The following TENM1 variants were observed in gnomAD, a reference collection of about 807,000 sequenced individuals.
TENM1 encodes the protein teneurin transmembrane protein 1.
TENM1 carries 35 observed loss-of-function variants against 174.8 expected under a neutral mutation model. That is an observed-to-expected ratio of 0.20 (90% CI 0.15 to 0.27). The LOEUF is 0.27. Ranked by LOEUF, TENM1 falls within the 10% of genes least tolerant of loss-of-function variation. The pLI, the probability that TENM1 is intolerant of heterozygous loss-of-function variation, is 1.00. For missense variants in TENM1, 1,633 were observed against 2,130.1 expected (o/e 0.77, Z 4.59); for synonymous variants, 781 against 798.7 (o/e 0.98, Z 0.37).
the TENM1 span, among the ~76,000 whole-genome samples, chrX:125,059,211 T>C: frequency 9.0e-6 from 1 of 111,340 alleles, no homozygotes; most frequent in Non-Finnish European, 1.9e-5. Flanking sequence ...CCCCATTCTC[T>C]TACTGTACAG....
chrX:124,959,488 G>T (rs1006981024), intron 1 of TENM1, among the ~76,000 whole-genome samples: 1 of 110,848 alleles, frequency 9.0e-6, no homozygotes, highest in Non-Finnish European at 1.9e-5. Context: ...CCTTTTTCTA[G>T]TCTCAACCTT....
the TENM1 span, among the ~76,000 whole-genome samples, chrX:125,068,884 C>G: frequency 2.9e-4 from 33 of 112,139 alleles, no homozygotes; most frequent in African/African-American, 1.0e-3. Context: ...CGGACAGGTC[C>G]AGGATAGCTG....
intron 3 of TENM1, among the ~76,000 whole-genome samples, chrX:124,807,357 T>C (rs750700269): frequency 4.6e-4 from 52 of 112,003 alleles, no homozygotes; most frequent in Middle Eastern, 4.2e-3. Context: ...AGCTGTCCTT[T>C]AGTAATGAAT....
rs988616540 is a variant in TENM1 at position 124,381,148 on chromosome X, A to C, written c.7587T>G (p.Phe2529Leu). The change falls in exon 32 of 32, where the codon TTT becomes TTG. Residue 2529 changes from phenylalanine (F) to leucine (L), a missense_variant. Around this residue, in one of 4 missense-constraint regions of TENM1, gnomAD observed 807 missense variants for 1,125.3 expected, o/e 0.72. Transcript: ENST00000422452. The stretch of plus-strand genomic sequence containing the variant: ...TGATGGCAAATTTTATACCTTTCCC[A>C]AAAACAGAAGGGACAGCAGCAAACC... 4.1e-6 allele frequency: 5 copies of C among 1,209,334 alleles called. No individual in the cohort carries two copies. The highest frequency in any genetic ancestry group is 4.4e-5 in the Admixed American group (2 of 45,832).
intron 5 of TENM1, among the ~76,000 whole-genome samples, chrX:124,704,772 G>A (rs770878760): frequency 9.1e-6 from 1 of 110,160 alleles, no homozygotes; most frequent in South Asian, 3.9e-4. Flanking sequence ...TACAGTAATT[G>A]CGATCAATAA....
At chrX:124,404,611 G>A (rs1402324756) in intron 27 of TENM1, among the ~76,000 whole-genome samples, 1 of 110,895 alleles carries the variant, frequency 9.0e-6, no homozygotes, top group Non-Finnish European at 1.9e-5. Context: ...ATCCTTTTGT[G>A]TGTACCTGCG....
chrX:124,405,358 G>C, intron 26 of TENM1, 92 bp from the exon 30 acceptor site: 1 of 730,114 alleles, frequency 1.4e-6, no homozygotes, highest in Non-Finnish European at 2.0e-6. Context: ...AGGCACGTTT[G>C]GGGGATAAGC....
At chrX:124,693,514 T>G (rs955060943) in intron 5 of TENM1, among the ~76,000 whole-genome samples, 1 of 111,664 alleles carries the variant, frequency 9.0e-6, no homozygotes, top group Admixed American at 9.5e-5. Context: ...TTGCATCTTT[T>G]TCATTTTAAT....
chrX:124,746,095 C>T (rs1391615529), intron 3 of TENM1, among the ~76,000 whole-genome samples: 2 of 111,775 alleles, frequency 1.8e-5, no homozygotes, highest in African/African-American at 6.5e-5. Context: ...CACATACAAC[C>T]CATAATTTTA....
chrX:124,926,521 T>C (rs1327396297), intron 1 of TENM1, among the ~76,000 whole-genome samples: 1 of 111,805 alleles, frequency 8.9e-6, no homozygotes, highest in Admixed American at 9.5e-5. Flanking sequence ...CTCCACTTCC[T>C]ACTAGAATGT....
chrX:125,021,741 G>A, the TENM1 span, among the ~76,000 whole-genome samples: 7 of 112,075 alleles, frequency 6.2e-5, no homozygotes, highest in Admixed American at 2.8e-4. Flanking sequence ...CTTTTTTATG[G>A]GCAGTAAAAT....
chrX:124,852,181 T>C (rs1011665593), intron 3 of TENM1, among the ~76,000 whole-genome samples: 2 of 111,353 alleles, frequency 1.8e-5, no homozygotes, highest in African/African-American at 6.5e-5. Flanking sequence ...CTAGGCTTTA[T>C]GGAGTAAAAA....
the TENM1 span, among the ~76,000 whole-genome samples, chrX:125,127,564 T>C: frequency 8.9e-6 from 1 of 111,774 alleles, no homozygotes; most frequent in Admixed American, 9.6e-5. Context: ...TTTAAGAAAG[T>C]ATGTTTGTTG....
chrX:124,527,898 C>T (rs934809220), intron 16 of TENM1, among the ~76,000 whole-genome samples: 29 of 105,292 alleles, frequency 2.8e-4, no homozygotes, highest in African/African-American at 9.7e-4. Flanking sequence ...CCTCATGATC[C>T]GCCCGCCTCA....
the TENM1 span, among the ~76,000 whole-genome samples, chrX:125,028,289 A>C: frequency 8.9e-6 from 1 of 112,498 alleles, no homozygotes; most frequent in African/African-American, 3.2e-5. Flanking sequence ...TCCCATTAGC[A>C]TAGTTAAATC....
Position 124,832,802 on chromosome X carries a change from C to T in TENM1, c.535+61494G>A, listed in dbSNP as rs192467996. On this transcript the variant is annotated intron_variant, in intron 3 of 31. Coordinates refer to ENST00000422452, the Ensembl canonical transcript of TENM1. ...ATTGCCCTGGCTGGTCTTGAACTTT[C>T]GGGCTCAAGAGATCCTCCCGCCTTG... Among the ~76,000 whole-genome samples, 7 of 111,930 alleles carry T rather than the reference C, an allele frequency of 6.3e-5. No individual in the cohort carries two copies. In the East Asian group the frequency reaches 8.5e-4, roughly 14 times the overall value.
chrX:124,865,994 C>G (rs2056997591), intron 3 of TENM1, among the ~76,000 whole-genome samples: 1 of 111,638 alleles, frequency 9.0e-6, no homozygotes. Flanking sequence ...AACACTGGAG[C>G]ACCCAGATAT....
chrX:124,445,123 C>T lies in TENM1; in HGVS notation c.4104+8214G>A, dbSNP rs186152263. On this transcript the variant is annotated intron_variant, in intron 23 of 31. Transcript: ENST00000422452. ...AAATAAGATAACATATATAAACGTACCCAGTATTGTGCTTGATTCACTAGT... is the reference window on the plus strand; with the variant it reads ...AAATAAGATAACATATATAAACGTATCCAGTATTGTGCTTGATTCACTAGT... Among the ~76,000 whole-genome samples, 12 of 111,562 alleles carry T rather than the reference C, an allele frequency of 1.1e-4. No individual in the cohort carries two copies. In the East Asian group the frequency reaches 3.4e-3, roughly 31 times the overall value.
At chrX:124,586,935 A>G (rs1423653962) in intron 11 of TENM1, among the ~76,000 whole-genome samples, 1 of 110,792 alleles carries the variant, frequency 9.0e-6, no homozygotes, top group East Asian at 2.8e-4. Flanking sequence ...ACTCCCATTC[A>G]CAATTGCTTC....
Sources: allele counts gnomAD v4.1 joint callset (sites outside exome capture counted in the v4.1 genomes callset), GRCh38; gene constraint gnomAD v4.1.1; regional missense constraint gnomAD v4.1.1; transcripts MANE v1.5; gene names NCBI Gene and HGNC (gene_info 2026-07-23, HGNC 2026-07-21).